Variants in DAB1 observed in about 807,000 individuals in gnomAD.
DAB1 encodes disabled homolog 1.
Under a neutral mutation model 64.6 loss-of-function variants are expected in DAB1, and 15 were observed. The observed-to-expected ratio is 0.23, with a 90% CI of 0.16 to 0.36. DAB1 has a LOEUF of 0.36. Ranked by LOEUF, DAB1 falls within the 10% of genes least tolerant of loss-of-function variation. The pLI is 1.00. For missense variants in DAB1, 596 were observed against 706.7 expected, an observed-to-expected ratio of 0.84 and a Z score of 1.78; for synonymous variants, 235 against 251.9, an observed-to-expected ratio of 0.93 and a Z score of 0.64.
intron 3 of DAB1, among the ~76,000 whole-genome samples, chr1:58,498,115 A>C (rs1212209500): frequency 6.6e-6 from 1 of 152,210 alleles, no homozygotes; most frequent in Admixed American, 6.5e-5. Context: ...CAGATGAAGC[A>C]AGTGTATAAA....
chr1:57,696,409 G>C (rs533577865), intron 6 of DAB1, among the ~76,000 whole-genome samples: 12 of 152,254 alleles, frequency 7.9e-5, no homozygotes, highest in African/African-American at 2.6e-4. Flanking sequence ...TCAGTGGATA[G>C]TATGAGAAAC....
At chr1:58,472,903 G>A (rs1645375930) in intron 3 of DAB1, among the ~76,000 whole-genome samples, 1 of 152,134 alleles carries the variant, frequency 6.6e-6, no homozygotes, top group South Asian at 2.1e-4. Flanking sequence ...CACAAAGCGA[G>A]AGGGAAAGAG....
intron 1 of DAB1, among the ~76,000 whole-genome samples, chr1:58,528,325 C>G (rs1646382870): frequency 6.6e-6 from 1 of 152,160 alleles, no homozygotes; most frequent in Admixed American, 6.5e-5. Context: ...AATTGTTTAA[C>G]CCTGCTAAAC....
rs143410710 is a variant in DAB1, at chr1:57,963,398, A to G, written n.388-79236T>C. Among the ~76,000 whole-genome samples the G allele has an allele frequency of 3.3e-3, 507 of 152,302 alleles. 4 individuals carry two copies. The highest frequency in any genetic ancestry group is 0.011 in the African/African-American group (469 of 41,574). ...TTAGGTATCTTATCTGTAGTTTCAC[A>G]TGAACCTCTGCTTCTAGATCATTGC... On this transcript the variant is annotated intron_variant and non_coding_transcript_variant, in intron 5 of 20. Transcript: ENST00000485760.
intron 6 of DAB1, among the ~76,000 whole-genome samples, chr1:57,818,989 A>C (rs1651996126): frequency 6.6e-6 from 1 of 152,144 alleles, no homozygotes; most frequent in African/African-American, 2.4e-5. Context: ...TTGGTGCCCG[A>C]AATTTAGTAA....
chr1:57,007,703 T>C (rs965624563), intron 14 of DAB1, among the ~76,000 whole-genome samples: 13 of 152,124 alleles, frequency 8.5e-5, no homozygotes, highest in Non-Finnish European at 1.9e-4. Context: ...GTATTTCTAA[T>C]AAAAAACAGC....
At chr1:57,247,124 G>C (rs78493872) in intron 2 of DAB1, among the ~76,000 whole-genome samples, 3,262 of 152,232 alleles carry the variant, frequency 0.021, 116 homozygotes, top group African/African-American at 0.073. Flanking sequence ...AATGTGAGAA[G>C]GACATGCGAT....
At chr1:57,499,557 C>T (rs1644267146) in intron 7 of DAB1, among the ~76,000 whole-genome samples, 1 of 152,104 alleles carries the variant, frequency 6.6e-6, no homozygotes, top group Non-Finnish European at 1.5e-5. Flanking sequence ...GGTATAAACA[C>T]CATGGAAAAG....
chr1:57,351,034 C>T (rs1678548693), intron 1 of DAB1, among the ~76,000 whole-genome samples: 1 of 152,160 alleles, frequency 6.6e-6, no homozygotes. Context: ...ACATACTAGC[C>T]ATGGGCTGGG....
chr1:58,098,030 C>CTCCAGTG (rs1172720729), intron 5 of DAB1, among the ~76,000 whole-genome samples: 1 of 152,170 alleles, frequency 6.6e-6, no homozygotes, highest in East Asian at 1.9e-4. Context: ...TGACCATTTA[C>CTCCAGTG]TCCAGTGTTA....
intron 1 of DAB1, among the ~76,000 whole-genome samples, chr1:57,333,436 T>A (rs1411033329): frequency 2.6e-5 from 4 of 152,240 alleles, no homozygotes; most frequent in African/African-American, 9.6e-5. Context: ...TGTGATAACA[T>A]ATATAAAGGA....
chr1:57,994,459 T>C lies in DAB1; in HGVS notation n.388-110297A>G, dbSNP rs1053242780. On this transcript the variant is annotated intron_variant and non_coding_transcript_variant, in intron 5 of 20. Transcript: ENST00000485760. ...GGTCAGAAGCTGAAGCCGTTGTGTT[T>C]GTAAGAGACTCAGAGCACAGGCCAA... Among the ~76,000 whole-genome samples the C allele has an allele frequency of 3.3e-5, 5 of 152,248 alleles. No individual in the cohort carries two copies. In the South Asian group the frequency reaches 1.0e-3, roughly 32 times the overall value.
chr1:57,956,762 T>C (rs963650864), intron 5 of DAB1, among the ~76,000 whole-genome samples: 1 of 152,202 alleles, frequency 6.6e-6, no homozygotes, highest in African/African-American at 2.4e-5. Flanking sequence ...CAGCTAATGA[T>C]ATGATAATGA....
chr1:57,303,682 C>A (rs1267265399), intron 1 of DAB1, among the ~76,000 whole-genome samples: 1 of 150,486 alleles, frequency 6.6e-6, no homozygotes, highest in Non-Finnish European at 1.5e-5. Context: ...CAAAAAAAAA[C>A]AGATAATTAG....
intron 12 of DAB1, among the ~76,000 whole-genome samples, chr1:57,012,340 TA>T (rs1473371977): frequency 6.6e-6 from 1 of 152,232 alleles, no homozygotes; most frequent in Non-Finnish European, 1.5e-5. Flanking sequence ...TCCCATTCAT[TA>T]TACACCTTAA....
chr1:57,145,304 T>C lies in DAB1; in HGVS notation c.193A>G (p.Met65Val), dbSNP rs1172508637. The change falls in exon 3 of 15, where the codon ATG (methionine) becomes GTG (valine). Residue 65 changes from methionine (M) to valine (V), a missense_variant. By Grantham distance (21) the Met-to-Val change is conservative. Coordinates refer to ENST00000371236, the MANE Select transcript of DAB1 (RefSeq NM_001365792.1). ...ARGDKLCQDSMMKLKGVVAGA... is the reference protein window; with the variant it reads ...ARGDKLCQDSVMKLKGVVAGA... ...TTGCATAGCACCTTGAGTTTCATCA[T>C]GGAATCTTGACATAACTTGTCTCCC... 1.2e-6 allele frequency: 2 copies of C among 1,614,122 alleles called. No individual in the cohort carries two copies. The highest frequency in any genetic ancestry group is 1.7e-5 in the Admixed American group (1 of 60,034).
chr1:58,218,574 C>A (rs1300835742), intron 4 of DAB1, among the ~76,000 whole-genome samples: 1 of 152,018 alleles, frequency 6.6e-6, no homozygotes, highest in Non-Finnish European at 1.5e-5. Flanking sequence ...GTGTTTTAGA[C>A]CATGTCTCTG....
chr1:58,456,996 G>GGAGCA (rs1391726737), intron 3 of DAB1, among the ~76,000 whole-genome samples: 8 of 152,164 alleles, frequency 5.3e-5, no homozygotes, highest in African/African-American at 1.9e-4. Flanking sequence ...CCGCTCAGAA[G>GGAGCA]GAGCAGAGCC....
At chr1:57,966,292 C>G (rs1305586784) in intron 5 of DAB1, among the ~76,000 whole-genome samples, 1 of 152,104 alleles carries the variant, frequency 6.6e-6, no homozygotes, top group Non-Finnish European at 1.5e-5. Context: ...TAGACTTGCA[C>G]TTGTTTTGGC....
Sources: gnomAD v4.1 joint callset for allele counts (sites outside exome capture counted in the v4.1 genomes callset) on GRCh38, gnomAD v4.1.1 for gene constraint, MANE v1.5 for transcripts, NCBI Gene and HGNC (gene_info 2026-07-23, HGNC 2026-07-21) for gene names.